Variants in LONP2 observed in about 807,000 individuals in gnomAD.
LONP2 encodes the protein lon protease homolog 2, peroxisomal.
In LONP2, 60 loss-of-function variants were observed where a neutral mutation model predicts 85.6. That is an observed-to-expected ratio of 0.70 (90% confidence interval 0.57 to 0.87). LONP2 has a LOEUF of 0.87. Ranked by LOEUF, LONP2 falls within the 40% of genes least tolerant of loss-of-function variation. The pLI is 0.00. For missense variants in LONP2, 860 were observed against 1,063.5 expected (o/e 0.81, Z 2.66); for synonymous variants, 395 against 389.7 (o/e 1.01, Z -0.16).
intron 7 of LONP2, among the ~76,000 whole-genome samples, chr16:48,273,936 T>C (rs1972153949): frequency 6.6e-6 from 1 of 152,190 alleles, no homozygotes; most frequent in African/African-American, 2.4e-5. Context: ...GATTTCCACA[T>C]TGATACATTT....
At chr16:48,254,456 C>T (rs1465124221) in intron 2 of LONP2, among the ~76,000 whole-genome samples, 4 of 151,666 alleles carry the variant, frequency 2.6e-5, no homozygotes, top group Admixed American at 1.3e-4. Flanking sequence ...CTCCGCCTCC[C>T]GGGTTCAAGC....
At chr16:48,348,317 GTTAT>G (rs1197041450) in intron 14 of LONP2, 27 bp downstream of exon 14, 72 of 1,331,212 alleles carry the variant, frequency 5.4e-5, no homozygotes, top group Non-Finnish European at 6.5e-5. Flanking sequence ...AATTTATATG[GTTAT>G]TTTTTATTTA....
rs1423444784 is a variant in LONP2, at chr16:48,355,874, T to C, written c.*4072T>C. ...TTAGTTTAAACTAGACTTAGGGATA[T>C]GTGTATTTTACCGGTATTCCACGTT... On this transcript the variant is annotated 3_prime_UTR_variant, in exon 15 of 15. Coordinates refer to ENST00000285737, the MANE Select transcript of LONP2 (RefSeq NM_031490.5). The C allele has an allele frequency of 1.3e-5, 2 of 152,252 alleles. No individual in the cohort carries two copies. Among genetic ancestry groups the C allele is most frequent in the African/African-American group, 4.8e-5 (2 of 41,476 alleles). The allele number at this position is 152,252 out of a possible 1,614,324, so 9.4% of individuals were successfully genotyped here.
intron 7 of LONP2, among the ~76,000 whole-genome samples, chr16:48,274,031 C>A (rs1183911219): frequency 6.6e-6 from 1 of 152,154 alleles, no homozygotes; most frequent in Non-Finnish European, 1.5e-5. Flanking sequence ...AAGCAGCAAG[C>A]TTCTAATGTA....
At chr16:48,280,974 A>T (rs575962413) in intron 8 of LONP2, among the ~76,000 whole-genome samples, 2 of 152,340 alleles carry the variant, frequency 1.3e-5, no homozygotes, top group East Asian at 3.9e-4. Flanking sequence ...GAACAAACTC[A>T]ATTACACAAC....
chr16:48,251,035 T>C (rs1347026648), intron 1 of LONP2, among the ~76,000 whole-genome samples: 2 of 152,224 alleles, frequency 1.3e-5, no homozygotes, highest in Non-Finnish European at 2.9e-5. Context: ...CAGAATAAAC[T>C]GAGTGGCAGA....
At position 48,277,414 on chromosome 16, in the gene LONP2, C is replaced by T. The variant is rs1388829797; in HGVS notation, c.1318C>T (p.Leu440=). 31 of 1,613,676 alleles carry T rather than the reference C, an allele frequency of 1.9e-5. No homozygotes were observed. The highest frequency in any genetic ancestry group is 2.5e-5 in the Non-Finnish European group (30 of 1,179,874). The stretch of plus-strand genomic sequence containing the variant: ...TGTGGGAGTGAACAACCCAGTGTTC[C>T]TATTAGATGAGGTTGACAAACTGGG... The part of the protein sequence containing the change: ...KTVGVNNPVF[L]LDEVDKLGKS... The change falls in exon 8 of 15, where the codon CTA becomes TTA. Residue 440 remains leucine, a synonymous_variant. Transcript: ENST00000285737.
At chr16:48,337,240 C>T (rs1402803953) in intron 12 of LONP2, among the ~76,000 whole-genome samples, 2 of 152,164 alleles carry the variant, frequency 1.3e-5, no homozygotes, top group Non-Finnish European at 2.9e-5. Context: ...TAATTCCTGC[C>T]CTTGTCTGCT....
At position 48,252,970 on chromosome 16, in the gene LONP2, A is replaced by C. The variant is rs114783813; in HGVS notation, c.468+605A>C. ...AACCTTAATGAAACATAAAATTATAAAGTATAGTCTTCTACTTTTCTATTA... is the reference window on the plus strand; with the variant it reads ...AACCTTAATGAAACATAAAATTATACAGTATAGTCTTCTACTTTTCTATTA... On this transcript the variant is annotated intron_variant, in intron 2 of 14. Transcript: ENST00000285737. Among the ~76,000 whole-genome samples the C allele has an allele frequency of 2.7e-3, 407 of 152,290 alleles. 2 individuals carry two copies. Among genetic ancestry groups the C allele is most frequent in the African/African-American group, 9.5e-3 (396 of 41,556 alleles).
intron 11 of LONP2, among the ~76,000 whole-genome samples, chr16:48,317,519 A>AAATAAAATTG (rs1973171272): frequency 6.6e-6 from 1 of 152,216 alleles, no homozygotes; most frequent in Non-Finnish European, 1.5e-5. Flanking sequence ...TTAGGCTTCT[A>AAATAAAATTG]CCTATATAAT....
At chr16:48,359,206 C>T (rs564242147), downstream of LONP2, among the ~76,000 whole-genome samples, 13 of 152,194 alleles carry the variant, frequency 8.5e-5, no homozygotes, top group Admixed American at 5.2e-4. Flanking sequence ...TTAAGTGATC[C>T]GCCCACCTTG....
intron 9 of LONP2, among the ~76,000 whole-genome samples, chr16:48,298,824 G>A (rs1017326781): frequency 2.0e-5 from 3 of 151,990 alleles, no homozygotes; most frequent in Non-Finnish European, 4.4e-5. Context: ...TTCAAGCACT[G>A]TGCTTAGTAA....
chr16:48,272,657 G>T (rs1972128820), intron 7 of LONP2, among the ~76,000 whole-genome samples: 1 of 152,078 alleles, frequency 6.6e-6, no homozygotes, highest in Admixed American at 6.6e-5. Context: ...AAAGTATAAG[G>T]ATTTGTTTTG....
Position 48,299,670 on chromosome 16 carries a change from CAGG to C in LONP2, c.1549_1551del (p.Glu517del). 2 of 1,612,742 alleles carry C rather than the reference CAGG, an allele frequency of 1.2e-6. No homozygotes were observed. The highest frequency in any genetic ancestry group is 1.1e-5 in the South Asian group (1 of 90,886). ...GATCTCTTCTTTTCCAGGTTATACA[CAGG>C]AGGAGAAGATAGAGATTGCCCATAG... On this transcript the variant is annotated inframe_deletion, in exon 10 of 15. Coordinates refer to ENST00000285737, the MANE Select transcript of LONP2 (RefSeq NM_031490.5).
At chr16:48,340,141 C>T (rs1439137916) in intron 12 of LONP2, among the ~76,000 whole-genome samples, 2 of 152,140 alleles carry the variant, frequency 1.3e-5, no homozygotes, top group Non-Finnish European at 2.9e-5. Flanking sequence ...ATGGTAAAGC[C>T]AGCTGCCATA....
chr16:48,341,765 AAAAAT>A (rs1441600220), intron 12 of LONP2, among the ~76,000 whole-genome samples: 13 of 152,346 alleles, frequency 8.5e-5, no homozygotes, highest in Admixed American at 8.5e-4. Flanking sequence ...TTTTAAAAAT[AAAAAT>A]AAAGGTTACT....
At chr16:48,333,451 A>T (rs1959530444) in intron 11 of LONP2, among the ~76,000 whole-genome samples, 1 of 152,184 alleles carries the variant, frequency 6.6e-6, no homozygotes, top group Non-Finnish European at 1.5e-5. Flanking sequence ...TATGCTTATA[A>T]AAGAGGCACT....
intron 11 of LONP2, among the ~76,000 whole-genome samples, chr16:48,324,472 T>TA (rs1195947217): frequency 2.6e-5 from 4 of 152,246 alleles, no homozygotes; most frequent in African/African-American, 9.6e-5. Context: ...ATTTTGCTCC[T>TA]ACTCCATCAG....
At chr16:48,361,754 A>G, downstream of LONP2, 2 of 1,612,736 alleles carry the variant, frequency 1.2e-6, no homozygotes, top group Non-Finnish European at 1.7e-6. Flanking sequence ...CATTTAGCTC[A>G]AGTCGGTAAG....
Sources: allele counts gnomAD v4.1 joint callset (sites outside exome capture counted in the v4.1 genomes callset), GRCh38; gene constraint gnomAD v4.1.1; transcripts MANE v1.5; gene names NCBI Gene and HGNC (gene_info 2026-07-23, HGNC 2026-07-21).